STARD13: variants seen among roughly 807,000 people sequenced by gnomAD.
The protein encoded by STARD13 is StAR related lipid transfer domain containing 13.
A neutral mutation model predicts 106.4 loss-of-function variants in STARD13; 62 were observed. The observed-to-expected ratio is 0.58, with a 90% confidence interval of 0.48 to 0.72. The LOEUF (loss-of-function observed/expected upper bound fraction) is 0.72, where lower values mean the gene tolerates loss of function less well. Among genes scored for constraint, STARD13 ranks in the 30% least tolerant of loss-of-function variants. STARD13 has a pLI of 0.00. For missense variants in STARD13, 1,387 were observed against 1,424.0 expected, an observed-to-expected ratio of 0.97 and a Z score of 0.42; for synonymous variants, 565 against 553.0, an observed-to-expected ratio of 1.02 and a Z score of -0.31.
At chr13:33,570,718 C>T in the STARD13 span, among the ~76,000 whole-genome samples, 7 of 152,134 alleles carry the variant, frequency 4.6e-5, no homozygotes, top group African/African-American at 9.7e-5. Flanking sequence ...TCTTTAGATG[C>T]GTTTAACGGA....
At chr13:33,499,604 T>TTTCTTCTTCTTC in the STARD13 span, among the ~76,000 whole-genome samples, 205 of 39,850 alleles carry the variant, frequency 5.1e-3, 19 homozygotes, top group East Asian at 0.014. Context: ...CTTCTTCTTC[T>TTTCTTCTTCTTC]TTCTTCTTCT....
intron 1 of STARD13, among the ~76,000 whole-genome samples, chr13:33,330,098 CAG>C (rs2077820027): frequency 1.3e-5 from 2 of 152,210 alleles, no homozygotes; most frequent in South Asian, 4.1e-4. Flanking sequence ...CATGGGAATG[CAG>C]AGAGCTCTTT....
At chr13:33,378,835 C>T in the STARD13 span, among the ~76,000 whole-genome samples, 15 of 150,396 alleles carry the variant, frequency 1.0e-4, no homozygotes, top group African/African-American at 2.9e-4. Context: ...ATAGGCTGGG[C>T]GTGGTGGCTC....
chr13:33,628,567 T>C, the STARD13 span, among the ~76,000 whole-genome samples: 4 of 152,294 alleles, frequency 2.6e-5, no homozygotes, highest in Admixed American at 2.6e-4. Flanking sequence ...CCATTCTGTA[T>C]AAACAAGAGA....
In STARD13 at chr13:33,118,065, A is replaced by G. The variant is rs1342971300; in HGVS notation, c.2281T>C (p.Tyr761His). Residue 761 changes from tyrosine to histidine, a missense_variant and splice_region_variant, in exon 8 of 14, where the codon TAT (tyrosine) becomes CAT (histidine). Physicochemically the swap from Tyr to His is moderately conservative, Grantham distance 83 (BLOSUM62 2). Coordinates refer to ENST00000336934, the MANE Select transcript of STARD13 (RefSeq NM_178006.4). ...CACCAATCTCATTATTTCCACTTAC[A>G]CTGATAGATATGGAGAAAGGTCTCA... ...LSETFLHIYQ[Y>H]VSKEQRLQAV... 5 of 1,614,088 alleles carry G rather than the reference A, an allele frequency of 3.1e-6. No homozygotes were observed. Among genetic ancestry groups the G allele is most frequent in the Non-Finnish European group, 4.2e-6 (5 of 1,180,032 alleles).
intron 1 of STARD13, among the ~76,000 whole-genome samples, chr13:33,313,917 C>G (rs1342756586): frequency 6.6e-6 from 1 of 152,184 alleles, no homozygotes. Flanking sequence ...CCTTAAAATA[C>G]TCTCTGACCT....
the STARD13 span, among the ~76,000 whole-genome samples, chr13:33,506,422 C>T: frequency 6.6e-6 from 1 of 152,116 alleles, no homozygotes; most frequent in Non-Finnish European, 1.5e-5. Flanking sequence ...TTGTCAACAA[C>T]ATAACTCCAG....
At chr13:33,399,151 A>G in the STARD13 span, among the ~76,000 whole-genome samples, 1,142 of 152,334 alleles carry the variant, frequency 7.5e-3, 7 homozygotes, top group Non-Finnish European at 0.012. Flanking sequence ...AGTATTATTC[A>G]GGCATAAAAA....
At chr13:33,608,408 C>A in the STARD13 span, among the ~76,000 whole-genome samples, 1,733 of 151,802 alleles carry the variant, frequency 0.011, 26 homozygotes, top group African/African-American at 0.039. Flanking sequence ...GAGTAAATGG[C>A]CAACAAGTGC....
chr13:33,528,462 T>A, the STARD13 span, among the ~76,000 whole-genome samples: 1 of 150,990 alleles, frequency 6.6e-6, no homozygotes, highest in African/African-American at 2.4e-5. Flanking sequence ...TTTGTAGAGA[T>A]GAGGTCTCGC....
the STARD13 span, among the ~76,000 whole-genome samples, chr13:33,399,159 AAAAG>A: frequency 3.3e-5 from 5 of 152,224 alleles, no homozygotes; most frequent in African/African-American, 1.2e-4. Context: ...TCAGGCATAA[AAAAG>A]AAAGAAATCT....
At chr13:33,494,227 C>T in the STARD13 span, among the ~76,000 whole-genome samples, 45,138 of 151,968 alleles carry the variant, frequency 0.3, 7,608 homozygotes, top group Non-Finnish European at 0.39. Context: ...ACCTTCACTC[C>T]GGCCACCCAG....
the STARD13 span, among the ~76,000 whole-genome samples, chr13:33,367,684 C>T: frequency 6.6e-6 from 1 of 150,786 alleles, no homozygotes; most frequent in African/African-American, 2.4e-5. Context: ...AGAAAAGCAT[C>T]CCAAAGTAAG....
At chr13:33,226,771 A>G (rs76999644) in intron 1 of STARD13, among the ~76,000 whole-genome samples, 1 of 152,326 alleles carries the variant, frequency 6.6e-6, no homozygotes, top group Non-Finnish European at 1.5e-5. Context: ...AGAACATTTC[A>G]TAAACAGACA....
chr13:33,163,567 G>C (rs1882891765), intron 3 of STARD13, among the ~76,000 whole-genome samples: 1 of 131,846 alleles, frequency 7.6e-6, no homozygotes, highest in Non-Finnish European at 1.6e-5. Context: ...TCCAGCCTGG[G>C]CGACAGAGCA....
upstream of STARD13, among the ~76,000 whole-genome samples, chr13:33,352,287 A>G (rs1292406760): frequency 6.6e-6 from 1 of 152,238 alleles, no homozygotes. Context: ...CTGTTGTCTT[A>G]AAGTGGCTGC....
chr13:33,557,060 T>C, the STARD13 span, among the ~76,000 whole-genome samples: 1 of 152,208 alleles, frequency 6.6e-6, no homozygotes, highest in Non-Finnish European at 1.5e-5. Flanking sequence ...CACCTCTCAT[T>C]CAATCTGTAG....
At chr13:33,215,542 A>G (rs755446527) in intron 1 of STARD13, among the ~76,000 whole-genome samples, 22 of 152,182 alleles carry the variant, frequency 1.4e-4, no homozygotes, top group Non-Finnish European at 5.9e-5. Flanking sequence ...GGATGCTCAG[A>G]CATAATAATG....
chr13:33,282,728 G>T (rs1224990018), intron 1 of STARD13, among the ~76,000 whole-genome samples: 2 of 152,170 alleles, frequency 1.3e-5, no homozygotes, highest in African/African-American at 2.4e-5. Flanking sequence ...TTAATGGAAT[G>T]ATTAAAAGCT....
Sources: allele counts gnomAD v4.1 joint callset (sites outside exome capture counted in the v4.1 genomes callset), GRCh38; gene constraint gnomAD v4.1.1; transcripts MANE v1.5; gene names NCBI Gene and HGNC (gene_info 2026-07-23, HGNC 2026-07-21).